The following ATP8B4 variants were observed in gnomAD, a reference collection of about 807,000 sequenced individuals.
ATP8B4 encodes ATPase phospholipid transporting 8B4 (putative).
A neutral mutation model predicts 145.6 loss-of-function variants in ATP8B4; 133 were observed. The ratio of observed to expected loss-of-function variants is 0.91; its 90% CI spans 0.79 to 1.05. The LOEUF is 1.05. ATP8B4 is among the 50% of genes least tolerant of loss of function. The pLI, the probability that ATP8B4 is intolerant of heterozygous loss-of-function variation, is 0.00. For synonymous variants in ATP8B4, 507 were observed against 492.9 expected (o/e 1.03, Z -0.38); for missense variants, 1,458 against 1,425.2 (o/e 1.02, Z -0.37).
intron 14 of ATP8B4, among the ~76,000 whole-genome samples, chr15:49,960,237 G>T (rs1372711272): frequency 1.3e-5 from 2 of 152,074 alleles, no homozygotes; most frequent in Non-Finnish European, 2.9e-5. Flanking sequence ...ATGTTGGCCA[G>T]GCTGGCCTTG....
intron 6 of ATP8B4, among the ~76,000 whole-genome samples, chr15:50,029,584 C>T (rs1183235937): frequency 6.6e-6 from 1 of 152,166 alleles, no homozygotes; most frequent in Non-Finnish European, 1.5e-5. Context: ...CTGCTAAGAG[C>T]CTTTTTCCAA....
intron 23 of ATP8B4, among the ~76,000 whole-genome samples, chr15:49,886,693 G>C (rs2036226346): frequency 1.3e-5 from 2 of 152,064 alleles, no homozygotes; most frequent in South Asian, 4.1e-4. Context: ...TTTATCTCAG[G>C]CTCTACCAAA....
chr15:50,158,426 A>G (rs7402684), intron 1 of ATP8B4, among the ~76,000 whole-genome samples: 84,385 of 148,426 alleles, frequency 0.57, 24,286 homozygotes, highest in East Asian at 0.93. Flanking sequence ...TGCCCCGTCC[A>G]GGAGGGAGGT....
chr15:50,178,394 T>C (rs557323869), intron 1 of ATP8B4, among the ~76,000 whole-genome samples: 181 of 152,366 alleles, frequency 1.2e-3, no homozygotes, highest in Non-Finnish European at 2.0e-3. Context: ...GAATTTATGT[T>C]ACTGAATAGA....
chr15:50,038,213 G>T (rs1420848442), intron 6 of ATP8B4, among the ~76,000 whole-genome samples: 1 of 151,882 alleles, frequency 6.6e-6, no homozygotes. Flanking sequence ...GTGGATAAAT[G>T]CATGTGTTTT....
intron 20 of ATP8B4, chr15:49,901,727 T>C: frequency 2.6e-6 from 1 of 384,064 alleles, no homozygotes; most frequent in Non-Finnish European, 5.0e-6. Flanking sequence ...CTTAAAATAG[T>C]CCTCTGAGAA....
intron 2 of ATP8B4, among the ~76,000 whole-genome samples, chr15:50,096,256 G>C (rs1417974621): frequency 6.6e-6 from 1 of 152,142 alleles, no homozygotes; most frequent in African/African-American, 2.4e-5. Context: ...GGAGAGAATA[G>C]CCGCTCTCCC....
chr15:50,068,838 T>C (rs1424906057), intron 3 of ATP8B4, among the ~76,000 whole-genome samples: 2 of 152,194 alleles, frequency 1.3e-5, no homozygotes, highest in African/African-American at 4.8e-5. Context: ...CATCATCATC[T>C]TTTTGAACTT....
At chr15:50,121,846 T>G (rs1000059487), upstream of ATP8B4, among the ~76,000 whole-genome samples, 4 of 152,120 alleles carry the variant, frequency 2.6e-5, no homozygotes, top group Non-Finnish European at 5.9e-5. Flanking sequence ...GTTTTCAAAG[T>G]GCTTTCTCAA....
At chr15:50,180,917 C>G (rs1422210384) in intron 1 of ATP8B4, among the ~76,000 whole-genome samples, 1 of 151,332 alleles carries the variant, frequency 6.6e-6, no homozygotes, top group South Asian at 2.1e-4. Context: ...TTTACACACA[C>G]CGAAAAAAAA....
At chr15:49,952,040 T>C (rs895136245) in intron 14 of ATP8B4, among the ~76,000 whole-genome samples, 1 of 152,222 alleles carries the variant, frequency 6.6e-6, no homozygotes, top group Non-Finnish European at 1.5e-5. Flanking sequence ...TTCTGGCTTG[T>C]AGAGTTTCTG....
At chr15:50,036,199 A>C (rs2050823342) in intron 6 of ATP8B4, among the ~76,000 whole-genome samples, 1 of 152,160 alleles carries the variant, frequency 6.6e-6, no homozygotes, top group Non-Finnish European at 1.5e-5. Context: ...AGAAACTGGG[A>C]AGGGAGATGA....
chr15:49,996,387 T>C (rs1257987530), intron 9 of ATP8B4, among the ~76,000 whole-genome samples: 3 of 152,050 alleles, frequency 2.0e-5, no homozygotes, highest in Non-Finnish European at 4.4e-5. Context: ...AGTCTGTATA[T>C]GGCTTCAGGG....
At chr15:50,179,970 T>C (rs1036532908) in intron 1 of ATP8B4, among the ~76,000 whole-genome samples, 1 of 152,184 alleles carries the variant, frequency 6.6e-6, no homozygotes, top group Non-Finnish European at 1.5e-5. Context: ...TCCCAAGGTA[T>C]ATATTATAGA....
intron 10 of ATP8B4, among the ~76,000 whole-genome samples, chr15:49,983,959 A>G (rs1009286771): frequency 6.6e-6 from 1 of 152,252 alleles, no homozygotes; most frequent in African/African-American, 2.4e-5. Flanking sequence ...ATATGAGTGA[A>G]GGTACTGCAT....
chr15:49,897,814 C>T (rs1346117280), intron 22 of ATP8B4, among the ~76,000 whole-genome samples: 1 of 152,194 alleles, frequency 6.6e-6, no homozygotes, highest in Non-Finnish European at 1.5e-5. Flanking sequence ...ACCGTAGCTA[C>T]TTACTTCCTC....
chr15:50,153,973 C>G (rs1473237266), intron 1 of ATP8B4, among the ~76,000 whole-genome samples: 1 of 152,092 alleles, frequency 6.6e-6, no homozygotes, highest in Admixed American at 6.5e-5. Flanking sequence ...AATAGAGGAC[C>G]AAATTTTTAG....
chr15:50,051,692 A>G (rs1157064259), intron 3 of ATP8B4, among the ~76,000 whole-genome samples: 1 of 152,172 alleles, frequency 6.6e-6, no homozygotes, highest in Non-Finnish European at 1.5e-5. Flanking sequence ...AGGAGCTCAC[A>G]TTCCTAATTC....
rs745703865 is a variant in ATP8B4, at chr15:49,934,131, G to A, written c.1339C>T (p.Gln447Ter). ...TCCATCAGATGGTGGTCAAAGAACT[G>A]AAATTCTCTATCCGCTTGAGATTTG... ...SVKSQADREFQFFDHHLMESI... is the reference protein window; with the variant it reads ...SVKSQADREF The change falls in exon 15 of 28, where the codon CAG becomes TAG. Residue 447 changes from glutamine (Q) to a stop codon, truncating the protein, a stop_gained. Coordinates refer to ENST00000284509, the MANE Select transcript of ATP8B4 (RefSeq NM_024837.4). LOFTEE classifies it high-confidence loss of function. 5 of 1,612,534 alleles carry A rather than the reference G, an allele frequency of 3.1e-6. No individual in the cohort carries two copies. Among genetic ancestry groups the A allele is most frequent in the Non-Finnish European group, 4.2e-6 (5 of 1,179,184 alleles).
Sources: gnomAD v4.1 joint callset for allele counts (sites outside exome capture counted in the v4.1 genomes callset) on GRCh38, gnomAD v4.1.1 for gene constraint, MANE v1.5 for transcripts, NCBI Gene and HGNC (gene_info 2026-07-23, HGNC 2026-07-21) for gene names.